The following PCDHGA11 variants were observed in gnomAD, a reference collection of about 807,000 sequenced individuals.
The protein encoded by PCDHGA11 is protocadherin gamma subfamily A, 11.
PCDHGA11 carries 39 observed loss-of-function variants against 60.4 expected under a neutral mutation model. The ratio of observed to expected loss-of-function variants is 0.65; its 90% CI spans 0.50 to 0.84. The LOEUF is 0.84. Among genes scored for constraint, PCDHGA11 ranks in the 40% least tolerant of loss-of-function variants. PCDHGA11 has a pLI of 0.00. For missense variants in PCDHGA11, 1,165 were observed against 1,197.7 expected (o/e 0.97, Z 0.40); for synonymous variants, 533 against 510.3 (o/e 1.04, Z -0.60).
Position 141,491,620 on chromosome 5 carries a change from A to C in PCDHGA11, c.2434-3187A>C. On this transcript the variant is annotated intron_variant, in intron 1 of 3. Coordinates refer to ENST00000398587, the MANE Select transcript of PCDHGA11 (RefSeq NM_018914.3). This position sits in a 1 kb window ranked among gnomAD's most constrained non-coding sequence, Gnocchi z 6.9. ...TGACTTCACTTTTCTAAGACCCCTC[A>C]GCGTTCAGCAGCCCACAGCTCTGGC... is the stretch of plus-strand genomic sequence containing the variant. 6.2e-7 allele frequency: 1 copy of C among 1,613,906 alleles called. No individual in the cohort carries two copies. The highest frequency in any genetic ancestry group is 1.1e-5 in the South Asian group (1 of 91,084).
rs144613597 is a variant in PCDHGA11, at chr5:141,483,029, G to A, written c.2434-11778G>A. 3.9e-3 allele frequency among the ~76,000 whole-genome samples: 588 copies of A among 152,220 alleles called. 6 individuals are homozygous for A. Among genetic ancestry groups the A allele is most frequent in the Admixed American group, 0.011 (169 of 15,280 alleles). ...GAACCCGGGAGGCAGAGGTTGCAAT[G>A]AGCTGGTGTCAGGCCACTGCACTCC... On this transcript the variant is annotated intron_variant, in intron 1 of 3. Transcript: ENST00000398587.
Position 141,490,019 on chromosome 5 carries a change from T to C in PCDHGA11, c.2434-4788T>C. 2 of 1,614,272 alleles carry C rather than the reference T, an allele frequency of 1.2e-6. No homozygotes were observed. Among genetic ancestry groups the C allele is most frequent in the East Asian group, 2.2e-5 (1 of 44,886 alleles). ...CCAGAGAATGCACCCATTGGTACTCTGCTGCTCCGCCTCAATGCCACTGAT... is the reference window on the plus strand; with the variant it reads ...CCAGAGAATGCACCCATTGGTACTCCGCTGCTCCGCCTCAATGCCACTGAT... On this transcript the variant is annotated intron_variant, in intron 1 of 3. Coordinates refer to ENST00000398587, the MANE Select transcript of PCDHGA11 (RefSeq NM_018914.3). This position sits in a 1 kb window ranked among gnomAD's most constrained non-coding sequence, Gnocchi z 5.4.
rs765376157 is a variant in PCDHGA11 at position 141,486,033 on chromosome 5, A to G, written c.2434-8774A>G. 4.3e-6 allele frequency: 7 copies of G among 1,614,148 alleles called. No individual in the cohort carries two copies. The highest frequency in any genetic ancestry group is 5.9e-6 in the Non-Finnish European group (7 of 1,180,014). ...TTTTATTTCAGTGGTCATACCCCTG[A>G]TCGTGTAAGAAACCTCTTTAGCCTG... On this transcript the variant is annotated intron_variant, in intron 1 of 3. Transcript: ENST00000398587. This position sits in a 1 kb window ranked among gnomAD's most constrained non-coding sequence, Gnocchi z 5.0.
intron 1 of PCDHGA11, chr5:141,478,743 A>G: frequency 6.5e-7 from 1 of 1,528,732 alleles, no homozygotes; most frequent in Non-Finnish European, 8.8e-7. Context: ...TTGTGGTCCC[A>G]TTTCAGGGGG....
rs1471215172 is a variant in PCDHGA11 at position 141,511,840 on chromosome 5, TCTG to T, written c.*668_*670del. 1 of 156,722 alleles carries T rather than the reference TCTG, an allele frequency of 6.4e-6. No homozygotes were observed. Among genetic ancestry groups the T allele is most frequent in the African/African-American group, 2.4e-5 (1 of 41,448 alleles). The allele number at this position is 156,722 out of a possible 1,614,324, so 9.7% of individuals were successfully genotyped here. A position where few individuals can be genotyped will look rare whatever the true frequency, so the allele number is the denominator to read the frequency against. On this transcript the variant is annotated 3_prime_UTR_variant, in exon 4 of 4. Coordinates refer to ENST00000398587, the MANE Select transcript of PCDHGA11 (RefSeq NM_018914.3). ...TTCCCAACGCCCTGGGGACCAGTCTTCTGTTTTGTTTTTCATTGTTTGACGTTT... is the reference window on the plus strand; with the variant it reads ...TTCCCAACGCCCTGGGGACCAGTCTTTTTTGTTTTTCATTGTTTGACGTTT...
chr5:141,421,409 C>T lies in PCDHGA11; in HGVS notation c.182C>T (p.Ala61Val). ...KDLGLEPREL[A>V]KRGVRIVSRG... ...CTGGGGCTGGAGCCCCGGGAGCTGG[C>T]GAAGCGCGGAGTCCGCATCGTCTCC... The change falls in exon 1 of 4, where the codon GCG becomes GTG. Residue 61 changes from alanine (A) to valine (V), a missense_variant. Coordinates refer to ENST00000398587, the MANE Select transcript of PCDHGA11 (RefSeq NM_018914.3). The T allele has an allele frequency of 6.2e-7, 1 of 1,614,026 alleles. No individual in the cohort carries two copies. The highest frequency in any genetic ancestry group is 8.5e-7 in the Non-Finnish European group (1 of 1,179,912).
At chr5:141,502,552 T>C (rs1217408446) in intron 2 of PCDHGA11, among the ~76,000 whole-genome samples, 1 of 152,146 alleles carries the variant, frequency 6.6e-6, no homozygotes, top group Non-Finnish European at 1.5e-5. Context: ...AAAAACAGTG[T>C]CCCAGATCTC....
rs2097423534 is a variant in PCDHGA11 at position 141,431,850 on chromosome 5, C to A, written c.2433+8190C>A. 6.2e-7 allele frequency: 1 copy of A among 1,614,234 alleles called. No individual in the cohort carries two copies. ...GTTCCCGAAAACTCTCCCAGAGGGA[C>A]ATTAATTGCCCTTTTAAATGTAAAT... On this transcript the variant is annotated intron_variant, in intron 1 of 3. Coordinates refer to ENST00000398587, the MANE Select transcript of PCDHGA11 (RefSeq NM_018914.3). This position sits in a 1 kb window ranked among gnomAD's most constrained non-coding sequence, Gnocchi z 4.8.
At chr5:141,433,097 G>A (rs777101945) in intron 1 of PCDHGA11, 11 of 1,614,044 alleles carry the variant, frequency 6.8e-6, no homozygotes, top group Admixed American at 3.3e-5. Flanking sequence ...AGACATGCTC[G>A]TCAGCCAGGA....
chr5:141,430,509 G>T, intron 1 of PCDHGA11: 1 of 328,564 alleles, frequency 3.0e-6, no homozygotes. Flanking sequence ...GGGAGTTCAA[G>T]ATTGTGCAGT....
chr5:141,474,412 C>T (rs1282336092), intron 1 of PCDHGA11, among the ~76,000 whole-genome samples: 2 of 152,220 alleles, frequency 1.3e-5, no homozygotes, highest in African/African-American at 2.4e-5. Context: ...CCGGTGATGC[C>T]TAGACCATTG....
At chr5:141,469,964 G>T (rs974494589) in intron 1 of PCDHGA11, among the ~76,000 whole-genome samples, 2 of 152,002 alleles carry the variant, frequency 1.3e-5, no homozygotes, top group Non-Finnish European at 2.9e-5. Flanking sequence ...AACCCCATCT[G>T]TACCAAAAAT....
In PCDHGA11 at chr5:141,491,925, G is replaced by A. The variant is rs1019181943; in HGVS notation, c.2434-2882G>A. 5 of 1,325,176 alleles carry A rather than the reference G, an allele frequency of 3.8e-6. No homozygotes were observed. In the Admixed American group the frequency reaches 1.5e-4, roughly 39 times the overall value. 82.1% of individuals were successfully genotyped at this position (1,325,176 alleles called of 1,614,324 possible). A position where few individuals can be genotyped will look rare whatever the true frequency, so the allele number is the denominator to read the frequency against. On this transcript the variant is annotated intron_variant, in intron 1 of 3. Coordinates refer to ENST00000398587, the MANE Select transcript of PCDHGA11 (RefSeq NM_018914.3). The surrounding 1 kb of genome is among the most constrained non-coding windows in gnomAD (Gnocchi z 6.9). ...GGGTGGTGGCGACTGTGGGCGAGGG[G>A]AGGTGGGACCGACCCCCACCCCTAC...
rs1221067458 is a variant in PCDHGA11 at position 141,491,658 on chromosome 5, C to T, written c.2434-3149C>T. The T allele has an allele frequency of 3.1e-6, 5 of 1,613,822 alleles. No individual in the cohort carries two copies. The highest frequency in any genetic ancestry group is 2.2e-5 in the South Asian group (2 of 91,088). Reference sequence around the variant, plus strand: ...CCACAGCTCTGGCGCTGGAGCCTGACGCCATCCGGTCCCGCTCTAATACGC... The same window carrying T: ...CCACAGCTCTGGCGCTGGAGCCTGATGCCATCCGGTCCCGCTCTAATACGC... On this transcript the variant is annotated intron_variant, in intron 1 of 3. Coordinates refer to ENST00000398587, the MANE Select transcript of PCDHGA11 (RefSeq NM_018914.3). The surrounding 1 kb of genome is among the most constrained non-coding windows in gnomAD (Gnocchi z 6.9).
intron 1 of PCDHGA11, chr5:141,423,903 AG>A: frequency 7.8e-7 from 1 of 1,276,130 alleles, no homozygotes. Context: ...TTGATTTCAA[AG>A]GGGCCATTCA....
In PCDHGA11 at chr5:141,432,452, C is replaced by T. The variant is rs780149710; in HGVS notation, c.2433+8792C>T. 3.7e-6 allele frequency: 6 copies of T among 1,614,094 alleles called. No homozygotes were observed. The highest frequency in any genetic ancestry group is 1.6e-4 in the Middle Eastern group (1 of 6,082). On this transcript the variant is annotated intron_variant, in intron 1 of 3. Coordinates refer to ENST00000398587, the MANE Select transcript of PCDHGA11 (RefSeq NM_018914.3). The surrounding 1 kb of genome is among the most constrained non-coding windows in gnomAD (Gnocchi z 6.0). ...CGACAATGCGCCCGAGATCCTGTACCCCGCCCTCCCCACGGACGGTTCCAC... is the reference window on the plus strand; with the variant it reads ...CGACAATGCGCCCGAGATCCTGTACTCCGCCCTCCCCACGGACGGTTCCAC...
intron 1 of PCDHGA11, among the ~76,000 whole-genome samples, chr5:141,474,029 C>T (rs1047673843): frequency 6.6e-6 from 1 of 152,092 alleles, no homozygotes; most frequent in Non-Finnish European, 1.5e-5. Context: ...ATGATTATTC[C>T]ACTGTACTCC....
rs201006002 is a variant in PCDHGA11, at chr5:141,432,497, C to G, written c.2433+8837C>G. Reference sequence around the variant, plus strand: ...TTCCACTGGCGTGGAGCTGGCTCCCCGCTCCGCAGAGCCCGGCTACCTGGT... The same window carrying G: ...TTCCACTGGCGTGGAGCTGGCTCCCGGCTCCGCAGAGCCCGGCTACCTGGT... On this transcript the variant is annotated intron_variant, in intron 1 of 3. Transcript: ENST00000398587. This position sits in a 1 kb window ranked among gnomAD's most constrained non-coding sequence, Gnocchi z 6.0. The G allele has an allele frequency of 1.1e-5, 18 of 1,614,182 alleles. No homozygotes were observed. In the East Asian group the frequency reaches 4.0e-4, roughly 36 times the overall value.
At position 141,463,610 on chromosome 5, in the gene PCDHGA11, G is replaced by T. The variant is rs189991450; in HGVS notation, c.2434-31197G>T. Among the ~76,000 whole-genome samples, 263 of 151,786 alleles carry T rather than the reference G, an allele frequency of 1.7e-3. 1 individual carries two copies. The highest frequency in any genetic ancestry group is 3.4e-3 in the Middle Eastern group (1 of 292). ...ACTACAGGTGCCTGCCACCATGCCC[G>T]GCTAATTTTTTGTATTTTGTTTAGT... On this transcript the variant is annotated intron_variant, in intron 1 of 3. Transcript: ENST00000398587.
Sources: allele counts gnomAD v4.1 joint callset (sites outside exome capture counted in the v4.1 genomes callset), GRCh38; gene constraint gnomAD v4.1.1; non-coding constraint Gnocchi (gnomAD v3.1); transcripts MANE v1.5; gene names NCBI Gene and HGNC (gene_info 2026-07-23, HGNC 2026-07-21).